CHRNA7: variants seen among roughly 807,000 people sequenced by gnomAD.
The protein encoded by CHRNA7 is cholinergic receptor nicotinic alpha 7 subunit.
CHRNA7 carries 17 observed loss-of-function variants against 48.0 expected under a neutral mutation model. That is an observed-to-expected ratio of 0.35 (90% confidence interval 0.24 to 0.53). CHRNA7 has a LOEUF of 0.53. CHRNA7 is among the 20% of genes least tolerant of loss of function. The probability of loss-of-function intolerance (pLI) is 0.92; values close to 1 mark genes in which losing one functional copy is unlikely to be tolerated. For synonymous variants in CHRNA7, 75 were observed against 242.3 expected, an observed-to-expected ratio of 0.31 and a Z score of 6.41; for missense variants, 155 against 577.7, an observed-to-expected ratio of 0.27 and a Z score of 7.50.
chr15:32,158,914 C>T (rs1204328008), intron 7 of CHRNA7: 1 of 276,184 alleles, frequency 3.6e-6, no homozygotes, highest in Non-Finnish European at 6.5e-6. Context: ...GCCACCCCAC[C>T]TGTTCCTCAA....
intron 4 of CHRNA7, among the ~76,000 whole-genome samples, chr15:32,151,991 TTGAC>T (rs1460208504): frequency 1.3e-5 from 2 of 152,200 alleles, no homozygotes; most frequent in Non-Finnish European, 2.9e-5. Context: ...TGCTGGTACT[TTGAC>T]TGGCTGCCTG....
intron 2 of CHRNA7, among the ~76,000 whole-genome samples, chr15:32,067,168 A>G (rs1422118979): frequency 6.6e-6 from 1 of 152,230 alleles, no homozygotes; most frequent in Non-Finnish European, 1.5e-5. Context: ...TGATGTACAC[A>G]TCCGTAAAGC....
intron 4 of CHRNA7, among the ~76,000 whole-genome samples, chr15:32,112,744 T>A (rs2141281394): frequency 6.6e-6 from 1 of 152,308 alleles, no homozygotes; most frequent in South Asian, 2.1e-4. Context: ...CCCTCCATGG[T>A]CACTCGGTGA....
chr15:32,085,018 A>G (rs1275415215), intron 2 of CHRNA7, among the ~76,000 whole-genome samples: 1 of 151,962 alleles, frequency 6.6e-6, no homozygotes, highest in Non-Finnish European at 1.5e-5. Flanking sequence ...TTTTTAGTAG[A>G]GCTAGGGTCT....
At chr15:32,040,284 C>A (rs2049424172) in intron 2 of CHRNA7, among the ~76,000 whole-genome samples, 1 of 151,936 alleles carries the variant, frequency 6.6e-6, no homozygotes, top group South Asian at 2.1e-4. Flanking sequence ...ATATTTGTTA[C>A]TGATTTTTTT....
chr15:32,074,740 C>A (rs1047719525), intron 2 of CHRNA7, among the ~76,000 whole-genome samples: 1 of 151,744 alleles, frequency 6.6e-6, no homozygotes, highest in South Asian at 2.1e-4. Context: ...CTGCAACCTC[C>A]GCCTCCTGGG....
intron 4 of CHRNA7, among the ~76,000 whole-genome samples, chr15:32,126,821 G>A (rs1316566850): frequency 4.6e-5 from 7 of 152,126 alleles, no homozygotes; most frequent in African/African-American, 1.7e-4. Flanking sequence ...ATATTCCCCA[G>A]CAGTAACACC....
rs184293645 is a variant in CHRNA7, at chr15:32,097,052, A to G, written c.196-4251A>G. ...GTGACAGCCATTGGCACTGAGTGACATCGCACAGATTGCAGCATGCTCCTC... is the reference window on the plus strand; with the variant it reads ...GTGACAGCCATTGGCACTGAGTGACGTCGCACAGATTGCAGCATGCTCCTC... On this transcript the variant is annotated intron_variant, in intron 2 of 9. Transcript: ENST00000306901. 1.6e-3 allele frequency among the ~76,000 whole-genome samples: 239 copies of G among 152,254 alleles called. 2 individuals carry two copies. The highest frequency in any genetic ancestry group is 5.7e-3 in the African/African-American group (235 of 41,540).
chr15:32,084,446 A>G (rs12899561), intron 2 of CHRNA7, among the ~76,000 whole-genome samples: 6,388 of 152,316 alleles, frequency 0.042, 158 homozygotes, highest in Middle Eastern at 0.095. Flanking sequence ...GGCAATGTGC[A>G]TGAGCACATA....
intron 4 of CHRNA7, among the ~76,000 whole-genome samples, chr15:32,142,499 C>T (rs528160998): frequency 5.9e-5 from 9 of 152,074 alleles, no homozygotes; most frequent in African/African-American, 9.7e-5. Context: ...GAAATGGTAC[C>T]GGCTCCTCTG....
chr15:32,082,166 G>A (rs1604265), intron 2 of CHRNA7, among the ~76,000 whole-genome samples: 123,227 of 152,008 alleles, frequency 0.81, 51,203 homozygotes, highest in Non-Finnish European at 0.91. Context: ...AAATTTGACT[G>A]TGATGTGTCG....
At chr15:32,070,396 A>C (rs578068924) in intron 2 of CHRNA7, among the ~76,000 whole-genome samples, 1 of 152,208 alleles carries the variant, frequency 6.6e-6, no homozygotes, top group East Asian at 1.9e-4. Context: ...ACTTTGTCAG[A>C]TATGTGGACT....
rs770248174 is a variant in CHRNA7 at position 32,101,287 on chromosome 15, T to TC, written c.196-16_196-15insC. 10 of 1,575,878 alleles carry TC rather than the reference T, an allele frequency of 6.3e-6. No homozygotes were observed. The South Asian group carries it at 1.1e-4, about 17-fold the overall frequency. ...ACCATATTATTTATGCTGCTGCTTT[T>TC]TTTTTTTTTTTGAAGGATGAGAAGA... On this transcript the variant is annotated splice_polypyrimidine_tract_variant and intron_variant, in intron 2 of 9. Transcript: ENST00000306901.
chr15:32,135,720 G>A lies in CHRNA7; in HGVS notation c.351-18187G>A, dbSNP rs948825958. On this transcript the variant is annotated intron_variant, in intron 4 of 9. Coordinates refer to ENST00000306901, the MANE Select transcript of CHRNA7 (RefSeq NM_000746.6). Reference sequence around the variant, plus strand: ...AAAACATACATCCTCAGCTTCAGGAGATAAAAGTCTGAGGAAAGATATGTG... The same window carrying A: ...AAAACATACATCCTCAGCTTCAGGAAATAAAAGTCTGAGGAAAGATATGTG... Among the ~76,000 whole-genome samples, 11 of 152,118 alleles carry A rather than the reference G, an allele frequency of 7.2e-5. No individual in the cohort carries two copies. In the South Asian group the frequency reaches 1.0e-3, roughly 14 times the overall value.
intron 4 of CHRNA7, among the ~76,000 whole-genome samples, chr15:32,113,586 C>T (rs1038842849): frequency 2.0e-5 from 3 of 152,034 alleles, no homozygotes; most frequent in African/African-American, 7.3e-5. Flanking sequence ...GGGAAAGTGC[C>T]GGCTTCACAG....
At chr15:32,079,166 C>T (rs767527191) in intron 2 of CHRNA7, among the ~76,000 whole-genome samples, 7 of 152,238 alleles carry the variant, frequency 4.6e-5, no homozygotes, top group Non-Finnish European at 7.4e-5. Context: ...ATAATAAGAG[C>T]CATTTATGGC....
At chr15:32,062,763 A>T (rs78281745) in intron 2 of CHRNA7, among the ~76,000 whole-genome samples, 4,007 of 152,228 alleles carry the variant, frequency 0.026, 171 homozygotes, top group African/African-American at 0.092. Flanking sequence ...ACTTCCTCAC[A>T]TTTGTTAATT....
chr15:32,048,984 G>A (rs2049611312), intron 2 of CHRNA7, among the ~76,000 whole-genome samples: 1 of 145,580 alleles, frequency 6.9e-6, no homozygotes, highest in Admixed American at 6.8e-5. Context: ...GCGGTTTTGA[G>A]TGAGTTTCTT....
chr15:32,149,786 T>A lies in CHRNA7; in HGVS notation c.351-4121T>A, dbSNP rs545906238. Among the ~76,000 whole-genome samples the A allele has an allele frequency of 7.2e-5, 11 of 152,234 alleles. No individual in the cohort carries two copies. The highest frequency in any genetic ancestry group is 2.6e-4 in the African/African-American group (11 of 41,550). On this transcript the variant is annotated intron_variant, in intron 4 of 9. Transcript: ENST00000306901. This position sits in a 1 kb window ranked among gnomAD's most constrained non-coding sequence, Gnocchi z 4.6. ...CTGTTGCTAATAGCAACAGTTTTTT[T>A]ATCTTGTTTTTACCTGTTTGCCTTG...
Sources: gnomAD v4.1 joint callset for allele counts (sites outside exome capture counted in the v4.1 genomes callset) on GRCh38, gnomAD v4.1.1 for gene constraint, Gnocchi (gnomAD v3.1) non-coding constraint, MANE v1.5 for transcripts, NCBI Gene and HGNC (gene_info 2026-07-23, HGNC 2026-07-21) for gene names.